NCKAP5L: variants seen among roughly 807,000 people sequenced by gnomAD.
The protein encoded by NCKAP5L is NCK associated protein 5 like.
NCKAP5L carries 54 observed loss-of-function variants against 103.2 expected under a neutral mutation model. The observed-to-expected ratio is 0.52, with a 90% confidence interval of 0.42 to 0.66. The LOEUF (loss-of-function observed/expected upper bound fraction) is 0.66, where lower values mean the gene tolerates loss of function less well. Ranked by LOEUF, NCKAP5L falls within the 30% of genes least tolerant of loss-of-function variation. The pLI, the probability that NCKAP5L is intolerant of heterozygous loss-of-function variation, is 0.00. For missense variants in NCKAP5L, 1,733 were observed against 1,750.6 expected (o/e 0.99, Z 0.18); for synonymous variants, 762 against 748.6 (o/e 1.02, Z -0.29).
rs1946064453 is a variant in NCKAP5L at position 49,797,175 on chromosome 12, G to T, written c.685C>A (p.Leu229Met). Residue 229 changes from leucine (L) to methionine (M), a missense_variant, in exon 8 of 13, where the codon CTG (leucine) becomes ATG (methionine). Physicochemically the swap from Leu to Met is conservative, Grantham distance 15. Coordinates refer to ENST00000335999, the MANE Select transcript of NCKAP5L (RefSeq NM_001037806.4). The surrounding 1 kb of genome is among the most constrained non-coding windows in gnomAD (Gnocchi z 4.5). ...PGSPEPINGE[L>M]CGPPQPEPSP... ...GGTTCAGGCTGAGGCGGGCCACACA[G>T]CTCGCCGTTGATGGGCTCTGGGGAG... The T allele has an allele frequency of 6.2e-7, 1 of 1,611,760 alleles. No individual in the cohort carries two copies. Among genetic ancestry groups the T allele is most frequent in the Non-Finnish European group, 8.5e-7 (1 of 1,179,222 alleles).
rs921664037 is a variant in NCKAP5L at position 49,828,405 on chromosome 12, G to C, written c.-182C>G. 2 of 152,762 alleles carry C rather than the reference G, an allele frequency of 1.3e-5. No homozygotes were observed. The highest frequency in any genetic ancestry group is 2.4e-5 in the African/African-American group (1 of 41,466). 9.5% of individuals were successfully genotyped at this position (152,762 alleles called of 1,614,324 possible). On this transcript the variant is annotated 5_prime_UTR_variant, in exon 1 of 13. Transcript: ENST00000335999. ...GCTTGGGGGCGGGGGGCAGAGAAAG[G>C]GGGGTGCCGGAGCCGCCTCCTGATG... is the stretch of plus-strand genomic sequence containing the variant.
Position 49,797,246 on chromosome 12 carries a change from A to G in NCKAP5L, c.614T>C (p.Leu205Pro). The change falls in exon 8 of 13, where the codon CTC (leucine) becomes CCC (proline). Residue 205 changes from leucine to proline, a missense_variant. Physicochemically the swap from Leu to Pro is moderately conservative, Grantham distance 98. Transcript: ENST00000335999. The surrounding 1 kb of genome is among the most constrained non-coding windows in gnomAD (Gnocchi z 4.5). Reference sequence around the variant, plus strand: ...CCGCCAGGGGGTGGCAGGTGAGCAGAGAAGCAAGGGGTCAGTCTCTTCCAG... The same window carrying G: ...CCGCCAGGGGGTGGCAGGTGAGCAGGGAAGCAAGGGGTCAGTCTCTTCCAG... ...RALEETDPLLLCSPATPWRPP... is the reference protein window; with the variant it reads ...RALEETDPLLPCSPATPWRPP... The G allele has an allele frequency of 6.2e-7, 1 of 1,613,514 alleles. No individual in the cohort carries two copies. Among genetic ancestry groups the G allele is most frequent in the Non-Finnish European group, 8.5e-7 (1 of 1,179,818 alleles).
At chr12:49,812,936 T>C (rs986612688) in intron 1 of NCKAP5L, among the ~76,000 whole-genome samples, 2 of 152,234 alleles carry the variant, frequency 1.3e-5, no homozygotes, top group African/African-American at 4.8e-5. Context: ...ACACTTCCTC[T>C]GGTGTACTTT....
At chr12:49,818,470 A>G (rs1006587379) in intron 1 of NCKAP5L, among the ~76,000 whole-genome samples, 1 of 152,004 alleles carries the variant, frequency 6.6e-6, no homozygotes, top group Non-Finnish European at 1.5e-5. Flanking sequence ...TGATCCTCCC[A>G]CCTCAGCCTC....
At chr12:49,819,134 C>A (rs1946333154) in intron 1 of NCKAP5L, among the ~76,000 whole-genome samples, 2 of 151,320 alleles carry the variant, frequency 1.3e-5, no homozygotes, top group South Asian at 4.2e-4. Context: ...AGATCGAGAC[C>A]ATTCCATCTC....
At position 49,803,185 on chromosome 12, in the gene NCKAP5L, A is replaced by G. The variant is rs750038045; in HGVS notation, c.124-20T>C. The G allele has an allele frequency of 1.6e-4, 261 of 1,613,708 alleles. No homozygotes were observed. Among genetic ancestry groups the G allele is most frequent in the Non-Finnish European group, 2.1e-4 (252 of 1,179,732 alleles). The stretch of plus-strand genomic sequence containing the variant: ...CTCTGCCTGCAGGAGTGAGGGAGGA[A>G]GAGGGCAAAAAGGTGGCTTTGGGGA... On this transcript the variant is annotated intron_variant, in intron 3 of 12. Transcript: ENST00000335999.
At chr12:49,811,811 A>G (rs1317605301) in intron 1 of NCKAP5L, among the ~76,000 whole-genome samples, 3 of 152,050 alleles carry the variant, frequency 2.0e-5, no homozygotes, top group East Asian at 1.9e-4. Context: ...TTTGCTTGAC[A>G]TTTTCCCAGA....
Position 49,792,800 on chromosome 12 carries a change from A to G in NCKAP5L, c.3527T>C (p.Leu1176Pro). Residue 1176 changes from leucine to proline, a missense_variant, in exon 11 of 13, where the codon CTG (leucine) becomes CCG (proline). Coordinates refer to ENST00000335999, the MANE Select transcript of NCKAP5L (RefSeq NM_001037806.4). This position sits in a 1 kb window ranked among gnomAD's most constrained non-coding sequence, Gnocchi z 4.5. ...LTKVPRRAHT[L>P]EREVPGIEEL... ...CTCTATGCCTGGCACCTCCCGCTCCAGTGTGTGGGCGCGGCGGGGGACTTT... is the reference window on the plus strand; with the variant it reads ...CTCTATGCCTGGCACCTCCCGCTCCGGTGTGTGGGCGCGGCGGGGGACTTT... The G allele has an allele frequency of 7.0e-7, 1 of 1,431,180 alleles. No homozygotes were observed. Among genetic ancestry groups the G allele is most frequent in the Non-Finnish European group, 9.4e-7 (1 of 1,064,958 alleles). The allele number at this position is 1,431,180 out of a possible 1,614,324, so 88.7% of individuals were successfully genotyped here.
chr12:49,812,516 T>C (rs1946252444), intron 1 of NCKAP5L, among the ~76,000 whole-genome samples: 1 of 152,134 alleles, frequency 6.6e-6, no homozygotes, highest in Admixed American at 6.6e-5. Context: ...CCTGAGTAGA[T>C]GGGACTACAG....
intron 6 of NCKAP5L, among the ~76,000 whole-genome samples, chr12:49,799,456 C>T (rs966186522): frequency 3.3e-5 from 5 of 151,786 alleles, no homozygotes; most frequent in Non-Finnish European, 5.9e-5. Context: ...ACTACAGGCA[C>T]GTGTCACCAT....
rs564672586 is a variant in NCKAP5L, at chr12:49,797,754, G to C, written c.466-360C>G. ...GGGGAGGGAGGCCTGTCCATTTCTC[G>C]GGCCCAGAAAGAACACACAGACTCC... is the stretch of plus-strand genomic sequence containing the variant. On this transcript the variant is annotated intron_variant, in intron 7 of 12. Transcript: ENST00000335999. This position sits in a 1 kb window ranked among gnomAD's most constrained non-coding sequence, Gnocchi z 4.5. 7.9e-5 allele frequency among the ~76,000 whole-genome samples: 12 copies of C among 152,208 alleles called. No homozygotes were observed. Among genetic ancestry groups the C allele is most frequent in the Admixed American group, 3.3e-4 (5 of 15,292 alleles).
Position 49,795,070 on chromosome 12 carries a change from C to A in NCKAP5L, c.2790G>T (p.Ala930=). 6.2e-7 allele frequency: 1 copy of A among 1,611,590 alleles called. No homozygotes were observed. Among genetic ancestry groups the A allele is most frequent in the Non-Finnish European group, 8.5e-7 (1 of 1,179,114 alleles). The change falls in exon 8 of 13, where the codon GCG becomes GCT. Residue 930 remains alanine (A), a synonymous_variant. Coordinates refer to ENST00000335999, the MANE Select transcript of NCKAP5L (RefSeq NM_001037806.4). ...TGGTGGCCTCTGTGCGGCGGTTCAG[C>A]GCTGGCAGCTTGCTCTTCTTAAGGC... ...WFGLKKSKLP[A]LNRRTEATKN...
chr12:49,803,994 T>C lies in NCKAP5L; in HGVS notation c.51A>G (p.Pro17=). ...QPAGGPGNPR[P]GEGDDGSMEP... ...CCATGCTGCCATCATCACCCTCTCC[T>C]GGCCTTGGGTTTCCAGGACCCCCAG... Residue 17 remains proline, a synonymous_variant, in exon 3 of 13, where the codon CCA becomes CCG. Coordinates refer to ENST00000335999, the MANE Select transcript of NCKAP5L (RefSeq NM_001037806.4). 1 of 1,612,468 alleles carries C rather than the reference T, an allele frequency of 6.2e-7. No individual in the cohort carries two copies. Among genetic ancestry groups the C allele is most frequent in the Non-Finnish European group, 8.5e-7 (1 of 1,179,956 alleles).
In NCKAP5L at chr12:49,795,630, T is replaced by G; in HGVS notation, c.2230A>C (p.Met744Leu). The G allele has an allele frequency of 6.2e-7, 1 of 1,608,276 alleles. No homozygotes were observed. The highest frequency in any genetic ancestry group is 8.5e-7 in the Non-Finnish European group (1 of 1,177,328). ...NSLKQQEPGL[M>L]GDPGARVYSS... The stretch of plus-strand genomic sequence containing the variant: ...TAGACTCGGGCCCCGGGATCCCCCA[T>G]AAGTCCAGGTTCCTGCTGCTTCAGG... Residue 744 changes from methionine to leucine, a missense_variant, in exon 8 of 13, where the codon ATG becomes CTG. By Grantham distance (15) the Met-to-Leu change is conservative. Transcript: ENST00000335999.
chr12:49,827,903 C>T (rs116995893), intron 1 of NCKAP5L, among the ~76,000 whole-genome samples: 2 of 152,348 alleles, frequency 1.3e-5, no homozygotes, highest in South Asian at 2.1e-4. Context: ...GCCCCTCCCC[C>T]CGCAATAACC....
intron 1 of NCKAP5L, among the ~76,000 whole-genome samples, chr12:49,807,536 T>C (rs550432539): frequency 2.8e-4 from 43 of 152,218 alleles, no homozygotes; most frequent in Non-Finnish European, 4.4e-4. Context: ...TATAATAATC[T>C]GAAGTTTTTT....
chr12:49,794,732 C>A, intron 8 of NCKAP5L, 33 bp downstream of exon 8: 1 of 1,432,026 alleles, frequency 7.0e-7, no homozygotes, highest in Non-Finnish European at 9.2e-7. Context: ...CCCAAGCCCA[C>A]CAAGCCCCTG....
At chr12:49,825,445 G>A (rs117048636) in intron 1 of NCKAP5L, among the ~76,000 whole-genome samples, 46 of 152,280 alleles carry the variant, frequency 3.0e-4, no homozygotes, top group Non-Finnish European at 5.9e-4. Context: ...GCATGATGGG[G>A]TCAGGGACCC....
chr12:49,792,416 C>A lies in NCKAP5L; in HGVS notation c.3792+30G>T. On this transcript the variant is annotated intron_variant, in intron 12 of 12. Transcript: ENST00000335999. The surrounding 1 kb of genome is among the most constrained non-coding windows in gnomAD (Gnocchi z 4.5). ...ACATCACTCCCTCCTGCTCCCGAGTCCTTTCCCTTTCCTCTGCTGCAATTC... is the reference window on the plus strand; with the variant it reads ...ACATCACTCCCTCCTGCTCCCGAGTACTTTCCCTTTCCTCTGCTGCAATTC... 1 of 1,611,910 alleles carries A rather than the reference C, an allele frequency of 6.2e-7. No individual in the cohort carries two copies. Among genetic ancestry groups the A allele is most frequent in the South Asian group, 1.1e-5 (1 of 90,518 alleles).
Sources: gnomAD v4.1 joint callset for allele counts (sites outside exome capture counted in the v4.1 genomes callset) on GRCh38, gnomAD v4.1.1 for gene constraint, Gnocchi (gnomAD v3.1) non-coding constraint, MANE v1.5 for transcripts, NCBI Gene and HGNC (gene_info 2026-07-23, HGNC 2026-07-21) for gene names.